Variants in MNAT1 observed in about 807,000 individuals in gnomAD.
MNAT1 encodes CDK-activating kinase assembly factor MAT1.
MNAT1 carries 43 observed loss-of-function variants against 42.0 expected under a neutral mutation model. That is an observed-to-expected ratio of 1.02 (90% CI 0.80 to 1.32). MNAT1 has a LOEUF of 1.32. Ranked by LOEUF, MNAT1 falls within the 40% of genes most tolerant of loss-of-function variation. The pLI is 0.00. For missense variants in MNAT1, 306 were observed against 350.4 expected (o/e 0.87, Z 1.01); for synonymous variants, 118 against 120.0 (o/e 0.98, Z 0.11).
chr14:60,750,022 G>A (rs2030001670), intron 1 of MNAT1, among the ~76,000 whole-genome samples: 1 of 152,056 alleles, frequency 6.6e-6, no homozygotes, highest in African/African-American at 2.4e-5. Flanking sequence ...CTTCTTTAAA[G>A]TACAGATTTC....
rs1486393968 is a variant in MNAT1, at chr14:60,857,858, A to C, written c.688-21856A>C. Among the ~76,000 whole-genome samples the C allele has an allele frequency of 2.0e-5, 3 of 151,998 alleles. No homozygotes were observed. The East Asian group carries it at 5.8e-4, about 29-fold the overall frequency. ...TCTGTCCTTGTGATAGTTTGCTGAGAATGATGGTTTCCAGCTTCATCTACA... is the reference window on the plus strand; with the variant it reads ...TCTGTCCTTGTGATAGTTTGCTGAGCATGATGGTTTCCAGCTTCATCTACA... On this transcript the variant is annotated intron_variant, in intron 6 of 7. Coordinates refer to ENST00000261245, the MANE Select transcript of MNAT1 (RefSeq NM_002431.4).
At chr14:60,927,209 T>G (rs2035785763) in intron 7 of MNAT1, among the ~76,000 whole-genome samples, 1 of 152,190 alleles carries the variant, frequency 6.6e-6, no homozygotes, top group Non-Finnish European at 1.5e-5. Flanking sequence ...TATTGCTTAT[T>G]TGGCCCTGTA....
At chr14:60,838,302 AT>A (rs960093189) in intron 6 of MNAT1, among the ~76,000 whole-genome samples, 4 of 150,542 alleles carry the variant, frequency 2.7e-5, no homozygotes, top group Admixed American at 6.6e-5. Context: ...CACCTGGCGA[AT>A]TTTTTTTTGT....
At chr14:60,786,097 A>G (rs1327143977) in intron 1 of MNAT1, among the ~76,000 whole-genome samples, 1 of 152,060 alleles carries the variant, frequency 6.6e-6, no homozygotes, top group African/African-American at 2.4e-5. Flanking sequence ...GAAAAATTGA[A>G]TAAAATAAAT....
chr14:60,764,937 T>C (rs1374857023), intron 1 of MNAT1, among the ~76,000 whole-genome samples: 1 of 152,038 alleles, frequency 6.6e-6, no homozygotes, highest in Non-Finnish European at 1.5e-5. Flanking sequence ...GAGCTCCCAG[T>C]TCAGAAGGTT....
rs2034415489 is a variant in MNAT1, at chr14:60,875,444, C to T, written c.688-4270C>T. Among the ~76,000 whole-genome samples, 3 of 152,046 alleles carry T rather than the reference C, an allele frequency of 2.0e-5. No individual in the cohort carries two copies. In the South Asian group the frequency reaches 6.2e-4, roughly 31 times the overall value. ...CAATCTGACAGACTTGGCTTTTAATCATCAAACTGCCATTAACTACAGTAT... is the reference window on the plus strand; with the variant it reads ...CAATCTGACAGACTTGGCTTTTAATTATCAAACTGCCATTAACTACAGTAT... On this transcript the variant is annotated intron_variant, in intron 6 of 7. Transcript: ENST00000261245.
At chr14:60,791,829 ATTCAATTGGTTACT>A (rs1172322126) in intron 1 of MNAT1, among the ~76,000 whole-genome samples, 1 of 152,142 alleles carries the variant, frequency 6.6e-6, no homozygotes, top group Non-Finnish European at 1.5e-5. Context: ...TAAGGTGAAG[ATTCAATTGGTTACT>A]TTCTGGGGAC....
chr14:60,921,996 G>C (rs2035671251), intron 7 of MNAT1, among the ~76,000 whole-genome samples: 1 of 152,058 alleles, frequency 6.6e-6, no homozygotes, highest in African/African-American at 2.4e-5. Flanking sequence ...AATAACACTA[G>C]GTGAAGTTTG....
intron 7 of MNAT1, among the ~76,000 whole-genome samples, chr14:60,887,984 A>G (rs1320176311): frequency 6.7e-6 from 1 of 150,318 alleles, no homozygotes; most frequent in Non-Finnish European, 1.5e-5. Context: ...AGAGTCCAGG[A>G]CCAGATGGAT....
chr14:60,882,878 T>A (rs2139469000), intron 7 of MNAT1, among the ~76,000 whole-genome samples: 1 of 152,296 alleles, frequency 6.6e-6, no homozygotes, highest in African/African-American at 2.4e-5. Context: ...CATTTGTATA[T>A]CTTCCTTTGA....
chr14:60,839,556 T>A (rs895287476), intron 6 of MNAT1, among the ~76,000 whole-genome samples: 28 of 152,100 alleles, frequency 1.8e-4, no homozygotes, highest in Non-Finnish European at 4.4e-5. Context: ...AGGACTGAAA[T>A]ACGTCCCCCT....
intron 7 of MNAT1, among the ~76,000 whole-genome samples, chr14:60,960,311 C>T (rs939137218): frequency 6.6e-6 from 1 of 152,206 alleles, no homozygotes; most frequent in African/African-American, 2.4e-5. Flanking sequence ...CTACCCTTTA[C>T]TTCAAAATAG....
intron 1 of MNAT1, among the ~76,000 whole-genome samples, chr14:60,778,080 T>A (rs1195954162): frequency 6.6e-6 from 1 of 152,184 alleles, no homozygotes. Context: ...TCTGAGTCAC[T>A]ATTCAGCCCA....
intron 6 of MNAT1, among the ~76,000 whole-genome samples, chr14:60,860,438 C>T (rs1469617565): frequency 2.0e-5 from 3 of 150,182 alleles, no homozygotes. Context: ...CTGCAAGCTC[C>T]CCATCCCAGG....
At chr14:60,782,914 G>A (rs1349431467) in intron 1 of MNAT1, among the ~76,000 whole-genome samples, 1 of 152,174 alleles carries the variant, frequency 6.6e-6, no homozygotes, top group South Asian at 2.1e-4. Flanking sequence ...TTGTTCTGTT[G>A]TTTTATGGGT....
In MNAT1 at chr14:60,856,645, G is replaced by A. The variant is rs8017941; in HGVS notation, c.688-23069G>A. On this transcript the variant is annotated intron_variant, in intron 6 of 7. Coordinates refer to ENST00000261245, the MANE Select transcript of MNAT1 (RefSeq NM_002431.4). ...GCTGACTCTCTTTTTAGAGGCTAAT[G>A]CAGCTGGTGACTTTAAGTTGAAGCC... Among the ~76,000 whole-genome samples the A allele has an allele frequency of 3.1e-3, 469 of 151,788 alleles. 1 individual carries two copies. Among genetic ancestry groups the A allele is most frequent in the African/African-American group, 0.011 (446 of 41,388 alleles).
At chr14:60,946,699 G>A (rs376481442) in intron 7 of MNAT1, among the ~76,000 whole-genome samples, 15 of 151,938 alleles carry the variant, frequency 9.9e-5, no homozygotes, top group Admixed American at 5.9e-4. Context: ...CTTGTATATC[G>A]TTCCTGATAA....
intron 6 of MNAT1, among the ~76,000 whole-genome samples, chr14:60,865,527 T>C (rs2034184786): frequency 6.6e-6 from 1 of 152,130 alleles, no homozygotes; most frequent in African/African-American, 2.4e-5. Context: ...GATAGTCTCC[T>C]TGATGTTTTT....
At chr14:60,937,592 TCTGTTTTGGTACCAGTACCATG>T (rs1454496619) in intron 7 of MNAT1, among the ~76,000 whole-genome samples, 3 of 152,186 alleles carry the variant, frequency 2.0e-5, no homozygotes, top group African/African-American at 7.2e-5. Flanking sequence ...GGTCTATATG[TCTGTTTTGGTACCAGTACCATG>T]CTGTTTTGGT....
Sources: allele counts gnomAD v4.1 joint callset (sites outside exome capture counted in the v4.1 genomes callset), GRCh38; gene constraint gnomAD v4.1.1; transcripts MANE v1.5; gene names NCBI Gene and HGNC (gene_info 2026-07-23, HGNC 2026-07-21).